Variants in L3MBTL4 observed in about 807,000 individuals in gnomAD.
L3MBTL4 encodes the protein L3MBTL histone methyl-lysine binding protein 4.
In L3MBTL4, 70 loss-of-function variants were observed where a neutral mutation model predicts 84.5. The ratio of observed to expected loss-of-function variants is 0.83; its 90% CI spans 0.68 to 1.01. The LOEUF is 1.01. Among genes scored for constraint, L3MBTL4 ranks in the 50% least tolerant of loss-of-function variants. L3MBTL4 has a pLI of 0.00. For synonymous variants in L3MBTL4, 274 were observed against 259.8 expected (o/e 1.05, Z -0.52); for missense variants, 715 against 754.8 (o/e 0.95, Z 0.62).
intron 13 of L3MBTL4, among the ~76,000 whole-genome samples, chr18:6,149,570 G>T (rs537853187): frequency 6.6e-6 from 1 of 152,084 alleles, no homozygotes; most frequent in South Asian, 2.1e-4. Context: ...ACCCAGTAAT[G>T]GGATGACTGG....
At chr18:6,395,350 T>A (rs1163793290) in intron 1 of L3MBTL4, 6 of 152,154 alleles carry the variant, frequency 3.9e-5, no homozygotes, top group African/African-American at 1.4e-4. Flanking sequence ...CCTACCCCTA[T>A]CCATCCCATT....
chr18:6,324,853 C>CA (rs371880043), intron 1 of L3MBTL4, among the ~76,000 whole-genome samples: 1 of 151,972 alleles, frequency 6.6e-6, no homozygotes, highest in Non-Finnish European at 1.5e-5. Flanking sequence ...ACAATCTACA[C>CA]AAAAAAAGGG....
At chr18:6,239,373 C>T (rs1599291600) in intron 9 of L3MBTL4, among the ~76,000 whole-genome samples, 3 of 114,026 alleles carry the variant, frequency 2.6e-5, no homozygotes, top group South Asian at 3.3e-4. Flanking sequence ...TGATAAGGTA[C>T]ATTTAAGATT....
At chr18:6,349,298 A>T (rs991556935) in intron 1 of L3MBTL4, among the ~76,000 whole-genome samples, 2 of 152,246 alleles carry the variant, frequency 1.3e-5, no homozygotes, top group Non-Finnish European at 2.9e-5. Context: ...ACATCCATTT[A>T]TAGTAGAATG....
intron 16 of L3MBTL4, among the ~76,000 whole-genome samples, chr18:6,055,889 C>T (rs1446091811): frequency 2.0e-5 from 3 of 152,092 alleles, no homozygotes; most frequent in Non-Finnish European, 4.4e-5. Flanking sequence ...TCAGCCTCTT[C>T]TCTGTATAAG....
At chr18:6,126,508 T>C (rs542192647) in intron 14 of L3MBTL4, among the ~76,000 whole-genome samples, 1 of 152,318 alleles carries the variant, frequency 6.6e-6, no homozygotes, top group South Asian at 2.1e-4. Flanking sequence ...TGGCAATTTA[T>C]GTAATTTAGA....
At chr18:6,292,727 AAGAC>A (rs1185144436) in intron 4 of L3MBTL4, among the ~76,000 whole-genome samples, 1 of 152,198 alleles carries the variant, frequency 6.6e-6, no homozygotes, top group African/African-American at 2.4e-5. Flanking sequence ...ATAACCAACT[AAGAC>A]AGAGTCAAGA....
At chr18:6,315,599 A>G (rs1250089475) in intron 1 of L3MBTL4, among the ~76,000 whole-genome samples, 2 of 152,240 alleles carry the variant, frequency 1.3e-5, no homozygotes, top group Admixed American at 1.3e-4. Flanking sequence ...CAGACAGTAC[A>G]ATTCTGGGGT....
At chr18:6,135,092 G>A (rs113362723) in intron 14 of L3MBTL4, among the ~76,000 whole-genome samples, 10,594 of 152,276 alleles carry the variant, frequency 0.07, 554 homozygotes, top group Non-Finnish European at 0.11. Flanking sequence ...TCAACACCAT[G>A]TGGAAGCTGC....
chr18:6,063,299 C>CTGTGTGTG (rs61413638), intron 16 of L3MBTL4, among the ~76,000 whole-genome samples: 11,264 of 141,140 alleles, frequency 0.08, 529 homozygotes, highest in South Asian at 0.13. Context: ...CTATAAATAT[C>CTGTGTGTG]TGTGTGTGTG....
At chr18:6,008,182 A>G (rs1383063456) in intron 16 of L3MBTL4, among the ~76,000 whole-genome samples, 1 of 152,124 alleles carries the variant, frequency 6.6e-6, no homozygotes, top group Non-Finnish European at 1.5e-5. Flanking sequence ...CTATCCTTGC[A>G]GAGTGAGAAT....
At chr18:6,089,203 T>G (rs2058357693) in intron 15 of L3MBTL4, among the ~76,000 whole-genome samples, 1 of 152,148 alleles carries the variant, frequency 6.6e-6, no homozygotes. Context: ...CCAAAGTAAT[T>G]TTCTTTATGA....
At chr18:5,978,320 G>A (rs1314705212) in intron 16 of L3MBTL4, among the ~76,000 whole-genome samples, 1 of 152,150 alleles carries the variant, frequency 6.6e-6, no homozygotes, top group Non-Finnish European at 1.5e-5. Context: ...ACTTTTGATA[G>A]GTTAGTCATC....
intron 4 of L3MBTL4, among the ~76,000 whole-genome samples, chr18:6,279,377 T>TCTTCTC (rs2049228299): frequency 6.6e-6 from 1 of 152,064 alleles, no homozygotes; most frequent in Admixed American, 6.5e-5. Context: ...AACACCTCAC[T>TCTTCTC]TGAACGTCAG....
At chr18:6,363,977 G>A (rs2053824338) in intron 1 of L3MBTL4, among the ~76,000 whole-genome samples, 1 of 151,880 alleles carries the variant, frequency 6.6e-6, no homozygotes, top group Non-Finnish European at 1.5e-5. Context: ...TCTACCCATT[G>A]TCTTAAAACT....
chr18:6,311,421 G>T (rs1301938911), intron 3 of L3MBTL4, 133 bp downstream of exon 3: 1 of 693,098 alleles, frequency 1.4e-6, no homozygotes. Context: ...TACACATAAA[G>T]CTCAAGCAGA....
At chr18:6,333,850 T>C (rs886392919) in intron 1 of L3MBTL4, among the ~76,000 whole-genome samples, 3 of 152,206 alleles carry the variant, frequency 2.0e-5, no homozygotes, top group Non-Finnish European at 4.4e-5. Context: ...CAAATATTAA[T>C]ATGCCAATAA....
At chr18:6,367,714 G>A (rs2053994824) in intron 1 of L3MBTL4, 1 of 152,376 alleles carries the variant, frequency 6.6e-6, no homozygotes, top group South Asian at 2.1e-4. Context: ...CCAAGGCTGA[G>A]GTCAGAATGC....
chr18:6,110,747 G>C (rs200496321), intron 14 of L3MBTL4, among the ~76,000 whole-genome samples: 1 of 152,086 alleles, frequency 6.6e-6, no homozygotes, highest in African/African-American at 2.4e-5. Flanking sequence ...ATGCATCAGA[G>C]AGGACATGGT....
Sources: gnomAD v4.1 joint callset for allele counts (sites outside exome capture counted in the v4.1 genomes callset) on GRCh38, gnomAD v4.1.1 for gene constraint, MANE v1.5 for transcripts, NCBI Gene and HGNC (gene_info 2026-07-23, HGNC 2026-07-21) for gene names.